Variants in CRYBG1 observed in about 807,000 individuals in gnomAD.
The protein encoded by CRYBG1 is beta/gamma crystallin domain-containing protein 1.
In CRYBG1, 139 loss-of-function variants were observed where a neutral mutation model predicts 189.2. That is an observed-to-expected ratio of 0.73 (90% CI 0.64 to 0.85). CRYBG1 has a LOEUF of 0.85. Among genes scored for constraint, CRYBG1 ranks in the 40% least tolerant of loss-of-function variants. The pLI, the probability that CRYBG1 is intolerant of heterozygous loss-of-function variation, is 0.00. For missense variants in CRYBG1, 2,611 were observed against 2,675.8 expected (o/e 0.98, Z 0.53); for synonymous variants, 1,023 against 1,017.1 (o/e 1.01, Z -0.11).
At chr6:106,510,675 CA>C (rs751341827) in intron 2 of CRYBG1, among the ~76,000 whole-genome samples, 2 of 152,222 alleles carry the variant, frequency 1.3e-5, no homozygotes, top group Non-Finnish European at 2.9e-5. Context: ...GGGCGGTGAG[CA>C]AAGGCGGTCA....
intron 1 of CRYBG1, among the ~76,000 whole-genome samples, chr6:106,379,627 C>T (rs9399987): frequency 0.47 from 71,561 of 151,614 alleles, 17,105 homozygotes; most frequent in African/African-American, 0.54. Flanking sequence ...TATACGATCA[C>T]AGCTCACTGA....
At chr6:106,530,140 G>A (rs1320456633) in intron 7 of CRYBG1, 36 bp from the exon 8 acceptor site, 11 of 1,565,796 alleles carry the variant, frequency 7.0e-6, no homozygotes, top group Non-Finnish European at 9.6e-6. Flanking sequence ...AATACATGGT[G>A]CAATTCTTAC....
At chr6:106,434,747 T>C (rs1487276151) in intron 1 of CRYBG1, among the ~76,000 whole-genome samples, 1 of 152,240 alleles carries the variant, frequency 6.6e-6, no homozygotes, top group East Asian at 1.9e-4. Context: ...TAAAACTCTA[T>C]TTACAAAAAC....
chr6:106,485,952 G>A (rs1293926056), intron 2 of CRYBG1, among the ~76,000 whole-genome samples: 2 of 152,120 alleles, frequency 1.3e-5, no homozygotes, highest in Non-Finnish European at 2.9e-5. Flanking sequence ...TTTTTGTCTG[G>A]TTTTTGAATC....
intron 3 of CRYBG1, among the ~76,000 whole-genome samples, chr6:106,515,247 G>C (rs563219200): frequency 1.3e-5 from 2 of 152,254 alleles, no homozygotes; most frequent in South Asian, 2.1e-4. Context: ...ATTTTCCCCT[G>C]TCTCATAATG....
rs181547153 is a variant in CRYBG1, at chr6:106,367,283, T to C, written c.173+6202T>C. ...TTGAGTTCACTTCTTTTTTCTTCTT[T>C]AGCTCTTTTTTAAAAAAATATTGGG... On this transcript the variant is annotated intron_variant, in intron 1 of 21. Transcript: ENST00000633556. 3.3e-5 allele frequency among the ~76,000 whole-genome samples: 5 copies of C among 152,294 alleles called. No homozygotes were observed. The East Asian group carries it at 9.7e-4, about 29-fold the overall frequency.
intron 1 of CRYBG1, among the ~76,000 whole-genome samples, chr6:106,438,917 T>C (rs1459923420): frequency 1.3e-5 from 2 of 152,058 alleles, no homozygotes; most frequent in Admixed American, 1.3e-4. Flanking sequence ...GAGAAAAATA[T>C]GGTCAGGTGC....
chr6:106,468,423 G>T (rs1387680183), intron 2 of CRYBG1, among the ~76,000 whole-genome samples: 1 of 152,156 alleles, frequency 6.6e-6, no homozygotes, highest in Non-Finnish European at 1.5e-5. Flanking sequence ...CTGTCCAAAG[G>T]CCCAGGATGA....
At chr6:106,373,989 T>G (rs989663812) in intron 1 of CRYBG1, among the ~76,000 whole-genome samples, 1 of 152,240 alleles carries the variant, frequency 6.6e-6, no homozygotes, top group Non-Finnish European at 1.5e-5. Context: ...GTGGTCTTGA[T>G]GTATGGTTTT....
chr6:106,469,443 T>G (rs549456739), intron 2 of CRYBG1, among the ~76,000 whole-genome samples: 32 of 152,386 alleles, frequency 2.1e-4, no homozygotes, highest in Admixed American at 2.1e-3. Flanking sequence ...CCTACTACTA[T>G]GTCTGGCACA....
intron 1 of CRYBG1, among the ~76,000 whole-genome samples, chr6:106,448,885 A>T (rs1237846631): frequency 6.6e-6 from 1 of 152,048 alleles, no homozygotes; most frequent in Non-Finnish European, 1.5e-5. Flanking sequence ...TCTAGAGGAG[A>T]TTTCCCCCAC....
intron 1 of CRYBG1, among the ~76,000 whole-genome samples, chr6:106,447,014 A>G (rs78890683): frequency 2.0e-5 from 3 of 152,382 alleles, no homozygotes; most frequent in Non-Finnish European, 4.4e-5. Flanking sequence ...ATCAAGTACC[A>G]TACTTAACAC....
chr6:106,469,337 G>A (rs924399950), intron 2 of CRYBG1, among the ~76,000 whole-genome samples: 1 of 152,280 alleles, frequency 6.6e-6, no homozygotes, highest in African/African-American at 2.4e-5. Flanking sequence ...ATTACTGTAC[G>A]ATGTTTTCCT....
At chr6:106,479,901 A>T (rs778131617) in intron 2 of CRYBG1, among the ~76,000 whole-genome samples, 2 of 152,208 alleles carry the variant, frequency 1.3e-5, no homozygotes, top group African/African-American at 4.8e-5. Context: ...TAGAAGCACA[A>T]AAGTTTTTAA....
chr6:106,475,350 T>C (rs1024362730), intron 2 of CRYBG1, among the ~76,000 whole-genome samples: 1 of 152,154 alleles, frequency 6.6e-6, no homozygotes, highest in African/African-American at 2.4e-5. Flanking sequence ...ACGAAAAAGT[T>C]AAAACAGAAC....
rs765900077 is a variant in CRYBG1 at position 106,521,069 on chromosome 6, G to A, written c.3861G>A (p.Thr1287=). The A allele has an allele frequency of 5.0e-6, 8 of 1,614,078 alleles. No individual in the cohort carries two copies. The highest frequency in any genetic ancestry group is 2.7e-5 in the African/African-American group (2 of 75,008). The change falls in exon 4 of 22, where the codon ACG becomes ACA. Residue 1287 remains threonine, a synonymous_variant. Coordinates refer to ENST00000633556, the MANE Select transcript of CRYBG1 (RefSeq NM_001371242.2). ...CTCAGTCTTCAGTGTCACAGCCCAC[G>A]ACTGAGGGTGCCCCGCCCTGTGGTT... is the stretch of plus-strand genomic sequence containing the variant. The part of the protein sequence containing the change: ...SLSQSSVSQP[T]TEGAPPCGLN...
At chr6:106,519,040 T>G in intron 3 of CRYBG1, 91 bp from the exon 4 acceptor site, 2 of 1,361,188 alleles carry the variant, frequency 1.5e-6, no homozygotes, top group Non-Finnish European at 2.0e-6. Flanking sequence ...CAGGGAGATG[T>G]TGGCTTTTCA....
chr6:106,438,978 T>A (rs1448698372), intron 1 of CRYBG1, among the ~76,000 whole-genome samples: 2 of 149,522 alleles, frequency 1.3e-5, no homozygotes, highest in Non-Finnish European at 3.0e-5. Flanking sequence ...GGTGGGAGGA[T>A]CACCTGACCC....
chr6:106,364,111 G>A (rs1771934323), intron 1 of CRYBG1, among the ~76,000 whole-genome samples: 1 of 149,810 alleles, frequency 6.7e-6, no homozygotes, highest in Non-Finnish European at 1.5e-5. Flanking sequence ...GATCACCTGA[G>A]GTCAGGAGTT....
Sources: allele counts gnomAD v4.1 joint callset (sites outside exome capture counted in the v4.1 genomes callset), GRCh38; gene constraint gnomAD v4.1.1; transcripts MANE v1.5; gene names NCBI Gene and HGNC (gene_info 2026-07-23, HGNC 2026-07-21).